Variants in BACH2 observed in about 807,000 individuals in gnomAD.
BACH2 encodes the protein transcription regulator protein BACH2.
A neutral mutation model predicts 61.8 loss-of-function variants in BACH2; 5 were observed. The observed-to-expected ratio is 0.08, with a 90% CI of 0.04 to 0.17. The LOEUF (loss-of-function observed/expected upper bound fraction) is 0.17. BACH2 is among the 10% of genes least tolerant of loss of function. The probability of loss-of-function intolerance (pLI) is 1.00; values close to 1 mark genes in which losing one functional copy is unlikely to be tolerated. For missense variants in BACH2, 824 were observed against 1,091.1 expected (o/e 0.76, Z 3.45); for synonymous variants, 446 against 440.1 (o/e 1.01, Z -0.17).
At chr6:90,254,912 C>T (rs188726346) in intron 2 of BACH2, among the ~76,000 whole-genome samples, 1 of 152,296 alleles carries the variant, frequency 6.6e-6, no homozygotes, top group Non-Finnish European at 1.5e-5. Context: ...CTCCCTACAA[C>T]CAACCAACCC....
chr6:90,054,214 T>C (rs1780201222), intron 5 of BACH2, among the ~76,000 whole-genome samples: 1 of 152,136 alleles, frequency 6.6e-6, no homozygotes, highest in Non-Finnish European at 1.5e-5. Context: ...TTCCCTTTTG[T>C]AGTCAAAGAA....
intron 4 of BACH2, among the ~76,000 whole-genome samples, chr6:90,130,409 T>C (rs1004755702): frequency 2.6e-5 from 4 of 152,186 alleles, no homozygotes; most frequent in African/African-American, 9.6e-5. Context: ...CGAAGGAGCA[T>C]TTTCTCTTTT....
rs1287196448 is a variant in BACH2, at chr6:90,056,463, T to C, written c.-13+32498A>G. Among the ~76,000 whole-genome samples, 3 of 152,014 alleles carry C rather than the reference T, an allele frequency of 2.0e-5. No homozygotes were observed. In the South Asian group the frequency reaches 6.2e-4, roughly 32 times the overall value. ...TGCACCCAATACAGCAGCACCCAGA[T>C]TCATAAAGCAAGTCCTGAGTGACCT... On this transcript the variant is annotated intron_variant, in intron 5 of 8. Coordinates refer to ENST00000257749, the MANE Select transcript of BACH2 (RefSeq NM_021813.4).
At chr6:89,987,777 G>A (rs1776323428) in intron 6 of BACH2, among the ~76,000 whole-genome samples, 1 of 152,094 alleles carries the variant, frequency 6.6e-6, no homozygotes, top group Non-Finnish European at 1.5e-5. Context: ...ATTCCAAATT[G>A]GATGGGGCCT....
intron 4 of BACH2, among the ~76,000 whole-genome samples, chr6:90,092,863 T>C (rs150715939): frequency 1.5e-4 from 23 of 152,232 alleles, no homozygotes; most frequent in African/African-American, 5.5e-4. Context: ...AATGGATCTG[T>C]GATGTAGGAC....
At chr6:90,206,914 T>C (rs149886054) in intron 3 of BACH2, among the ~76,000 whole-genome samples, 6 of 152,124 alleles carry the variant, frequency 3.9e-5, no homozygotes, top group Non-Finnish European at 8.8e-5. Flanking sequence ...AGAAAGGCAG[T>C]GTACCATAAG....
At chr6:90,236,495 T>C (rs1189363523) in intron 3 of BACH2, among the ~76,000 whole-genome samples, 1 of 152,168 alleles carries the variant, frequency 6.6e-6, no homozygotes, top group Admixed American at 6.5e-5. Flanking sequence ...TTAGACACCT[T>C]GCAAAGGAAG....
chr6:90,237,097 G>A (rs138042750), intron 3 of BACH2, among the ~76,000 whole-genome samples: 125 of 152,068 alleles, frequency 8.2e-4, no homozygotes, highest in African/African-American at 2.5e-3. Flanking sequence ...CTAATTTTTC[G>A]TATTTTTAGT....
intron 3 of BACH2, among the ~76,000 whole-genome samples, chr6:90,233,345 T>A (rs1770158791): frequency 6.6e-6 from 1 of 152,206 alleles, no homozygotes; most frequent in Non-Finnish European, 1.5e-5. Flanking sequence ...ACCAAAGCCT[T>A]CTCTGGGTAT....
At chr6:90,111,767 C>T (rs1321757703) in intron 4 of BACH2, among the ~76,000 whole-genome samples, 1 of 152,194 alleles carries the variant, frequency 6.6e-6, no homozygotes, top group Non-Finnish European at 1.5e-5. Context: ...AATTTGACAG[C>T]TGGTTTGTTG....
chr6:90,061,597 G>A (rs1250311721), intron 5 of BACH2, among the ~76,000 whole-genome samples: 1 of 152,110 alleles, frequency 6.6e-6, no homozygotes, highest in East Asian at 1.9e-4. Flanking sequence ...GGGAGCAGAG[G>A]AGATAACAAG....
Position 90,218,076 on chromosome 6 carries a change from C to G in BACH2, c.-274-11395G>C, listed in dbSNP as rs181154864. On this transcript the variant is annotated intron_variant, in intron 3 of 8. Coordinates refer to ENST00000257749, the MANE Select transcript of BACH2 (RefSeq NM_021813.4). ...CTCTGGAAACCATTAACTAAGAGTA[C>G]GGTTCCAATTTTCCTGTTCTCCCTC... 2.0e-5 allele frequency: 3 copies of G among 152,226 alleles called. No individual in the cohort carries two copies. In the East Asian group the frequency reaches 5.8e-4, roughly 29 times the overall value. 9.4% of individuals were successfully genotyped at this position (152,226 alleles called of 1,614,324 possible).
In BACH2 at chr6:89,930,228, CTTTTTTTTTTTTTT is replaced by C. The variant is rs397885211; in HGVS notation, c.*2166_*2179del. The C allele has an allele frequency of 7.5e-5, 4 of 53,426 alleles. No individual in the cohort carries two copies. The highest frequency in any genetic ancestry group is 1.5e-4 in the African/African-American group (2 of 13,652). The allele number at this position is 53,426 out of a possible 1,614,324, so 3.3% of individuals were successfully genotyped here. On this transcript the variant is annotated 3_prime_UTR_variant, in exon 9 of 9. Coordinates refer to ENST00000257749, the MANE Select transcript of BACH2 (RefSeq NM_021813.4). ...AGTGGAACTGTTTAAAAAGAAAAGC[CTTTTTTTTTTTTTT>C]TTTTTTTTTTTTATCCTACTGCATG...
chr6:90,014,464 A>ATT (rs1342162722), intron 5 of BACH2, among the ~76,000 whole-genome samples: 13 of 56,404 alleles, frequency 2.3e-4, no homozygotes, highest in East Asian at 4.5e-4. Context: ...ATATATATAT[A>ATT]TATATTTTTT....
At chr6:90,248,234 G>GT (rs1479456723) in intron 3 of BACH2, among the ~76,000 whole-genome samples, 6 of 152,032 alleles carry the variant, frequency 3.9e-5, no homozygotes, top group Non-Finnish European at 5.9e-5. Context: ...ATCTGCTGTC[G>GT]TTTTTTCAGT....
In BACH2 at chr6:90,119,327, G is replaced by A. The variant is rs144990288; in HGVS notation, c.-161-30218C>T. Among the ~76,000 whole-genome samples, 127 of 152,116 alleles carry A rather than the reference G, an allele frequency of 8.3e-4. 4 individuals are homozygous for A. The highest frequency in any genetic ancestry group is 3.0e-3 in the African/African-American group (125 of 41,490). ...TTACCTAATTATGTTAGTTTCAATC[G>A]ACAACTATAATACGAAGACTTAATG... On this transcript the variant is annotated intron_variant, in intron 4 of 8. Coordinates refer to ENST00000257749, the MANE Select transcript of BACH2 (RefSeq NM_021813.4).
intron 4 of BACH2, among the ~76,000 whole-genome samples, chr6:90,158,352 T>C (rs1362994118): frequency 6.6e-6 from 1 of 152,208 alleles, no homozygotes; most frequent in Admixed American, 6.5e-5. Flanking sequence ...GACTATCAAA[T>C]GGCCATTCCC....
At chr6:90,152,203 G>A (rs1318430486) in intron 4 of BACH2, among the ~76,000 whole-genome samples, 1 of 152,146 alleles carries the variant, frequency 6.6e-6, no homozygotes, top group Non-Finnish European at 1.5e-5. Flanking sequence ...GCATTCCCGG[G>A]CATATAATTT....
Position 90,296,793 on chromosome 6 carries a change from C to CGCTGCTGCTGCT in BACH2, c.-771_-760dup, listed in dbSNP as rs556781951. ...CCCGGGCGTGCACGGCCGCTGCTGC[C>CGCTGCTGCTGCT]GCTGCTGCTGCTGCTGCTGCTGCTG... On this transcript the variant is annotated 5_prime_UTR_variant, in exon 1 of 9. Coordinates refer to ENST00000257749, the MANE Select transcript of BACH2 (RefSeq NM_021813.4). 21 of 173,954 alleles carry CGCTGCTGCTGCT rather than the reference C, an allele frequency of 1.2e-4. No individual in the cohort carries two copies. Among genetic ancestry groups the CGCTGCTGCTGCT allele is most frequent in the East Asian group, 5.1e-4 (3 of 5,842 alleles). 10.8% of individuals were successfully genotyped at this position (173,954 alleles called of 1,614,324 possible). A position where few individuals can be genotyped will look rare whatever the true frequency, so the allele number is the denominator to read the frequency against.
Sources: gnomAD v4.1 joint callset for allele counts (sites outside exome capture counted in the v4.1 genomes callset) on GRCh38, gnomAD v4.1.1 for gene constraint, MANE v1.5 for transcripts, NCBI Gene and HGNC (gene_info 2026-07-23, HGNC 2026-07-21) for gene names.